Variants in CCDC30 observed in about 807,000 individuals in gnomAD.
The protein encoded by CCDC30 is coiled-coil domain-containing protein 30.
A neutral mutation model predicts 100.2 loss-of-function variants in CCDC30; 70 were observed. The ratio of observed to expected loss-of-function variants is 0.70; its 90% CI spans 0.58 to 0.85. The LOEUF (loss-of-function observed/expected upper bound fraction) is 0.85. Ranked by LOEUF, CCDC30 falls within the 40% of genes least tolerant of loss-of-function variation. The pLI is 0.00. For synonymous variants in CCDC30, 233 were observed against 269.5 expected (o/e 0.86, Z 1.33); for missense variants, 652 against 771.2 (o/e 0.85, Z 1.83).
chr1:42,577,981 C>A (rs1645877475), intron 8 of CCDC30, among the ~76,000 whole-genome samples: 1 of 152,116 alleles, frequency 6.6e-6, no homozygotes. Context: ...GTGATCAGAT[C>A]AGGGTAATTA....
intron 9 of CCDC30, 119 bp from the exon 14 acceptor site, chr1:42,589,202 A>C: frequency 3.2e-5 from 22 of 680,886 alleles, no homozygotes; most frequent in Non-Finnish European, 5.1e-5. Flanking sequence ...GCTTATAGAC[A>C]CATACCCTAC....
chr1:42,629,212 CCAGTGTTGATGAAATCCTT>C (rs1646988000), intron 11 of CCDC30, among the ~76,000 whole-genome samples: 1 of 152,210 alleles, frequency 6.6e-6, no homozygotes, highest in South Asian at 2.1e-4. Flanking sequence ...TAGGACAGAA[CCAGTGTTGATGAAATCCTT>C]CAGCTTTGTT....
chr1:42,462,067 A>G (rs551472946), upstream of CCDC30, among the ~76,000 whole-genome samples: 3 of 152,340 alleles, frequency 2.0e-5, no homozygotes, highest in African/African-American at 4.8e-5. Flanking sequence ...TGTCTTTACC[A>G]TAATTATTAC....
chr1:42,614,802 G>C (rs1646694351), intron 11 of CCDC30, among the ~76,000 whole-genome samples: 1 of 147,652 alleles, frequency 6.8e-6, no homozygotes, highest in African/African-American at 2.5e-5. Context: ...AAAAAAAAAA[G>C]ATACAGAATA....
rs1323020524 is a variant in CCDC30, at chr1:42,546,394, AAAAAAATATATATATATATATAT to A, written c.457-19900_457-19878del. ...GAGTGAAATTCTGTCTCAAAAAAAA[AAAAAAATATATATATATATATAT>A]ATATATATATATATATATATATATA... On this transcript the variant is annotated intron_variant, in intron 6 of 16. Transcript: ENST00000668663. Among the ~76,000 whole-genome samples the A allele has an allele frequency of 3.9e-3, 86 of 21,922 alleles. 3 individuals carry two copies. The highest frequency in any genetic ancestry group is 0.013 in the African/African-American group (84 of 6,680). The allele number at this position is 21,922 out of a possible 152,430, so 14.4% of individuals were successfully genotyped here.
chr1:42,490,155 T>C lies in CCDC30; in HGVS notation c.170-3T>C. On this transcript the variant is annotated splice_polypyrimidine_tract_variant and splice_region_variant and intron_variant, in intron 3 of 16. Transcript: ENST00000668663. ...TATACAAATATTTTATTTCTTTTTT[T>C]AGATTCTGCACTTAAGAAGGCTCAA... is the stretch of plus-strand genomic sequence containing the variant. 8.8e-7 allele frequency: 1 copy of C among 1,134,994 alleles called. No individual in the cohort carries two copies. The highest frequency in any genetic ancestry group is 1.6e-5 in the African/African-American group (1 of 62,596). The allele number at this position is 1,134,994 out of a possible 1,614,324, so 70.3% of individuals were successfully genotyped here.
intron 6 of CCDC30, among the ~76,000 whole-genome samples, chr1:42,545,872 A>G (rs997339589): frequency 1.3e-5 from 2 of 151,662 alleles, no homozygotes; most frequent in African/African-American, 4.9e-5. Flanking sequence ...TGAGCGTGGG[A>G]GGTGGAGGTT....
intron 3 of CCDC30, among the ~76,000 whole-genome samples, chr1:42,488,193 TTAGAAA>T (rs1004543729): frequency 2.0e-5 from 3 of 152,086 alleles, no homozygotes; most frequent in African/African-American, 7.2e-5. Context: ...AGAAAGAGAC[TTAGAAA>T]TAGACTAAGA....
chr1:42,521,530 T>C (rs1004189143), intron 6 of CCDC30, among the ~76,000 whole-genome samples: 1 of 152,238 alleles, frequency 6.6e-6, no homozygotes, highest in Non-Finnish European at 1.5e-5. Flanking sequence ...GTGTAAGCTA[T>C]TGCTGTTGGT....
At chr1:42,578,357 G>A (rs545122501) in intron 8 of CCDC30, among the ~76,000 whole-genome samples, 5 of 152,202 alleles carry the variant, frequency 3.3e-5, no homozygotes, top group Non-Finnish European at 7.3e-5. Context: ...GGTTATTCTT[G>A]TGACAGGTAT....
chr1:42,557,887 T>C (rs1055415015), intron 6 of CCDC30, among the ~76,000 whole-genome samples: 4 of 139,178 alleles, frequency 2.9e-5, no homozygotes, highest in African/African-American at 5.6e-5. Context: ...GATGAATAAA[T>C]GAAGACTAAG....
intron 12 of CCDC30, among the ~76,000 whole-genome samples, chr1:42,641,557 CAAAAAAACAA>C (rs1316568467): frequency 1.5e-4 from 22 of 147,070 alleles, no homozygotes; most frequent in East Asian, 1.0e-3. Flanking sequence ...TCTAAAAAAA[CAAAAAAACAA>C]AAAAAAACAA....
At chr1:42,574,717 T>C (rs1429820024) in intron 7 of CCDC30, among the ~76,000 whole-genome samples, 1 of 152,210 alleles carries the variant, frequency 6.6e-6, no homozygotes, top group Non-Finnish European at 1.5e-5. Context: ...TTCTATCATC[T>C]GGCAACTATT....
At chr1:42,545,298 T>C in intron 6 of CCDC30, 112 bp from the exon 9 acceptor site, 1 of 790,130 alleles carries the variant, frequency 1.3e-6, no homozygotes, top group Non-Finnish European at 1.9e-6. Flanking sequence ...GGATGTCATT[T>C]TATATTATAT....
In CCDC30 at chr1:42,601,793, C is replaced by G. The variant is rs115158692; in HGVS notation, c.1165-9185C>G. The stretch of plus-strand genomic sequence containing the variant: ...CAAAGATGTAAGCCCAAAGGAACAA[C>G]AGCAAACAGGAAACCATGACTTCCC... On this transcript the variant is annotated intron_variant, in intron 10 of 16. Transcript: ENST00000668663. 1.9e-3 allele frequency among the ~76,000 whole-genome samples: 296 copies of G among 152,250 alleles called. 1 individual carries two copies. Among genetic ancestry groups the G allele is most frequent in the African/African-American group, 6.7e-3 (279 of 41,540 alleles).
chr1:42,559,849 T>C (rs1278942477), intron 6 of CCDC30, among the ~76,000 whole-genome samples: 1 of 152,116 alleles, frequency 6.6e-6, no homozygotes, highest in Non-Finnish European at 1.5e-5. Flanking sequence ...TTCTTCTCAG[T>C]GCAACATGGC....
chr1:42,627,581 G>C (rs1240738822), intron 11 of CCDC30, among the ~76,000 whole-genome samples: 1 of 152,174 alleles, frequency 6.6e-6, no homozygotes, highest in Non-Finnish European at 1.5e-5. Flanking sequence ...GGAGGAAAAA[G>C]TGGTTTTGTG....
At chr1:42,514,933 A>C (rs1036535275) in intron 6 of CCDC30, among the ~76,000 whole-genome samples, 4 of 148,824 alleles carry the variant, frequency 2.7e-5, no homozygotes, top group Admixed American at 6.7e-5. Context: ...GATTACAGGC[A>C]TAAGCCACTG....
At chr1:42,537,081 C>T (rs888464748) in intron 6 of CCDC30, 12 of 416,212 alleles carry the variant, frequency 2.9e-5, no homozygotes, top group Admixed American at 1.9e-4. Flanking sequence ...CTGTAGAATA[C>T]GTGTTTCTAT....
Sources: allele counts gnomAD v4.1 joint callset (sites outside exome capture counted in the v4.1 genomes callset), GRCh38; gene constraint gnomAD v4.1.1; transcripts MANE v1.5; gene names NCBI Gene and HGNC (gene_info 2026-07-23, HGNC 2026-07-21).